ARID1B: variants seen among roughly 807,000 people sequenced by gnomAD.
ARID1B encodes the protein AT-rich interaction domain 1B, also known as AT-rich interactive domain-containing protein 1B.
ARID1B carries 30 observed loss-of-function variants against 212.3 expected under a neutral mutation model. The ratio of observed to expected loss-of-function variants is 0.14; its 90% confidence interval spans 0.11 to 0.19. ARID1B has a LOEUF of 0.19. Ranked by LOEUF, ARID1B falls within the 10% of genes least tolerant of loss-of-function variation. The pLI is 1.00. For missense variants in ARID1B, 2,891 were observed against 3,204.0 expected (o/e 0.90, Z 2.36); for synonymous variants, 1,402 against 1,301.7 (o/e 1.08, Z -1.66).
intron 3 of ARID1B, among the ~76,000 whole-genome samples, chr6:156,905,073 A>T (rs1285419715): frequency 1.3e-5 from 2 of 152,068 alleles, no homozygotes; most frequent in Admixed American, 1.3e-4. Context: ...TGAACTATAA[A>T]TTTATATATA....
intron 7 of ARID1B, among the ~76,000 whole-genome samples, chr6:157,142,532 G>A (rs561774374): frequency 2.2e-4 from 33 of 152,226 alleles, no homozygotes; most frequent in African/African-American, 7.7e-4. Context: ...AGGCTCAAGT[G>A]GGAGGATCGC....
At chr6:157,089,094 G>A (rs914586359) in intron 5 of ARID1B, among the ~76,000 whole-genome samples, 1 of 152,052 alleles carries the variant, frequency 6.6e-6, no homozygotes, top group Admixed American at 6.6e-5. Context: ...TCTCCAACAA[G>A]TCATTGTAAA....
At chr6:156,826,309 G>A (rs1189385839) in intron 1 of ARID1B, among the ~76,000 whole-genome samples, 2 of 152,194 alleles carry the variant, frequency 1.3e-5, no homozygotes, top group African/African-American at 2.4e-5. Flanking sequence ...GGAAGCCTTT[G>A]TTAAAGCCCA....
chr6:156,802,998 A>T (rs1428064857), intron 1 of ARID1B, among the ~76,000 whole-genome samples: 1 of 152,164 alleles, frequency 6.6e-6, no homozygotes, highest in Non-Finnish European at 1.5e-5. Flanking sequence ...GCATGTTTCC[A>T]TGTAGTTTTT....
intron 4 of ARID1B, among the ~76,000 whole-genome samples, chr6:157,006,647 C>T: frequency 6.6e-6 from 1 of 152,112 alleles, no homozygotes; most frequent in East Asian, 1.9e-4. Flanking sequence ...AATGTGTAAT[C>T]AGAAGGAAGA....
In ARID1B at chr6:157,144,591, T is replaced by TG. The variant is rs531937287; in HGVS notation, c.2762-4032dup. Among the ~76,000 whole-genome samples, 8 of 152,224 alleles carry TG rather than the reference T, an allele frequency of 5.3e-5. No individual in the cohort carries two copies. In the East Asian group the frequency reaches 1.5e-3, roughly 29 times the overall value. On this transcript the variant is annotated intron_variant, in intron 7 of 19. Coordinates refer to ENST00000636930, the MANE Select transcript of ARID1B (RefSeq NM_001374828.1). ...TCAGATCATCTGGAAGCGAAGGGGA[T>TG]GTGAGCTTGGGGAGGAGGAGGAGGA...
Position 156,777,870 on chromosome 6 carries a change from G to T in ARID1B, c.190G>T (p.Gly64Cys). The change falls in exon 1 of 20, where the codon GGC (glycine) becomes TGC (cysteine). Residue 64 changes from glycine to cysteine, a missense_variant. Gly to Cys is a radical substitution (Grantham distance 159). Transcript: ENST00000636930. ...ACCCATGCTGGGGGGCGGCGGCGAC[G>T]GCGGCGGCGGCCTGAACAGTGTGCA... ...PGPMLGGGGDGGGGLNSVHHH... is the reference protein window; with the variant it reads ...PGPMLGGGGDCGGGLNSVHHH... 1.5e-6 allele frequency: 2 copies of T among 1,339,766 alleles called. No homozygotes were observed. Among genetic ancestry groups the T allele is most frequent in the Non-Finnish European group, 1.9e-6 (2 of 1,051,816 alleles). The allele number at this position is 1,339,766 out of a possible 1,614,324, so 83.0% of individuals were successfully genotyped here.
At chr6:157,021,460 TGCCGGCAGGCCCC>T (rs1458860916) in intron 4 of ARID1B, among the ~76,000 whole-genome samples, 1 of 152,184 alleles carries the variant, frequency 6.6e-6, no homozygotes, top group East Asian at 1.9e-4. Context: ...CGGCGGCCTC[TGCCGGCAGGCCCC>T]GCTCGCTCCT....
rs373754203 is a variant in ARID1B at position 157,140,896 on chromosome 6, G to A, written c.2761+7689G>A. ...TCCTGTGTTTCTCATCATCACTCTC[G>A]TCACCTCATGACATGTTCTTGATTT... On this transcript the variant is annotated intron_variant, in intron 7 of 19. Coordinates refer to ENST00000636930, the MANE Select transcript of ARID1B (RefSeq NM_001374828.1). 2.7e-4 allele frequency: 103 copies of A among 382,604 alleles called. 4 individuals are homozygous for A. Among genetic ancestry groups the A allele is most frequent in the African/African-American group, 1.8e-3 (89 of 48,402 alleles). The allele number at this position is 382,604 out of a possible 1,614,324, so 23.7% of individuals were successfully genotyped here. A position where few individuals can be genotyped will look rare whatever the true frequency, so the allele number is the denominator to read the frequency against.
At chr6:157,132,073 A>G (rs755952906) in intron 6 of ARID1B, among the ~76,000 whole-genome samples, 1 of 152,202 alleles carries the variant, frequency 6.6e-6, no homozygotes, top group Non-Finnish European at 1.5e-5. Flanking sequence ...CTTTGAGGAA[A>G]ATGAACCAAA....
At chr6:156,899,663 T>G (rs1009239775) in intron 2 of ARID1B, among the ~76,000 whole-genome samples, 1 of 152,096 alleles carries the variant, frequency 6.6e-6, no homozygotes, top group Non-Finnish European at 1.5e-5. Flanking sequence ...AGTAAAAAAT[T>G]CTAGTCAGCT....
At chr6:157,123,768 C>G (rs1391435424) in intron 6 of ARID1B, among the ~76,000 whole-genome samples, 1 of 152,260 alleles carries the variant, frequency 6.6e-6, no homozygotes, top group African/African-American at 2.4e-5. Flanking sequence ...TATTAAACCT[C>G]TAGTGTGTGC....
At chr6:156,923,889 G>A (rs1791008695) in intron 3 of ARID1B, among the ~76,000 whole-genome samples, 1 of 151,922 alleles carries the variant, frequency 6.6e-6, no homozygotes, top group Non-Finnish European at 1.5e-5. Context: ...TGTAGAGACA[G>A]GTTTCACCGC....
chr6:156,975,508 C>T (rs1432692439), intron 4 of ARID1B, among the ~76,000 whole-genome samples: 1 of 151,950 alleles, frequency 6.6e-6, no homozygotes, highest in Non-Finnish European at 1.5e-5. Context: ...TCCAACTTTA[C>T]CATTTTTAAA....
In ARID1B at chr6:157,133,301, C is replaced by G. The variant is rs891828741; in HGVS notation, c.2761+94C>G. ...CAAGATTTTAATATTGTAAACATAT[C>G]GTAAGATCCATTATCTGTTACCTGA... is the stretch of plus-strand genomic sequence containing the variant. On this transcript the variant is annotated intron_variant, in intron 7 of 19. Coordinates refer to ENST00000636930, the MANE Select transcript of ARID1B (RefSeq NM_001374828.1). 6.7e-6 allele frequency: 9 copies of G among 1,335,068 alleles called. No individual in the cohort carries two copies. The South Asian group carries it at 1.3e-4, about 19-fold the overall frequency. The allele number at this position is 1,335,068 out of a possible 1,614,324, so 82.7% of individuals were successfully genotyped here.
At chr6:156,903,267 A>G (rs567801404) in intron 3 of ARID1B, among the ~76,000 whole-genome samples, 2 of 152,330 alleles carry the variant, frequency 1.3e-5, no homozygotes, top group East Asian at 1.9e-4. Flanking sequence ...GTTTCAGTCT[A>G]TCTTATGCTT....
intron 4 of ARID1B, chr6:156,939,328 A>G (rs1241255405): frequency 6.6e-6 from 1 of 152,114 alleles, no homozygotes; most frequent in Non-Finnish European, 1.5e-5. Flanking sequence ...GATATCCCTC[A>G]ATTTATATTC....
At chr6:156,965,735 G>A (rs1026121553) in intron 4 of ARID1B, among the ~76,000 whole-genome samples, 2 of 152,094 alleles carry the variant, frequency 1.3e-5, no homozygotes, top group Non-Finnish European at 2.9e-5. Context: ...ATTATTTTGG[G>A]GGGCAGTTTG....
intron 4 of ARID1B, among the ~76,000 whole-genome samples, chr6:156,951,956 T>C (rs952674382): frequency 2.6e-5 from 4 of 152,218 alleles, no homozygotes; most frequent in African/African-American, 4.8e-5. Flanking sequence ...TGAATAATTA[T>C]CTGTTTTTGC....
Sources: gnomAD v4.1 joint callset for allele counts (sites outside exome capture counted in the v4.1 genomes callset) on GRCh38, gnomAD v4.1.1 for gene constraint, MANE v1.5 for transcripts, NCBI Gene and HGNC (gene_info 2026-07-23, HGNC 2026-07-21) for gene names.